RAB30: variants seen among roughly 807,000 people sequenced by gnomAD.
RAB30 encodes the protein ras-related protein Rab-30.
Under a neutral mutation model 25.1 loss-of-function variants are expected in RAB30, and 9 were observed. The ratio of observed to expected loss-of-function variants is 0.36; its 90% CI spans 0.22 to 0.63. The LOEUF (loss-of-function observed/expected upper bound fraction) is 0.63, where lower values mean the gene tolerates loss of function less well. Ranked by LOEUF, RAB30 falls within the 20% of genes least tolerant of loss-of-function variation. The pLI is 0.69. For synonymous variants in RAB30, 77 were observed against 86.4 expected (o/e 0.89, Z 0.60); for missense variants, 140 against 243.5 (o/e 0.58, Z 2.83).
At chr11:83,039,590 G>C (rs894392720) in intron 1 of RAB30, among the ~76,000 whole-genome samples, 12 of 152,062 alleles carry the variant, frequency 7.9e-5, no homozygotes, top group African/African-American at 2.9e-4. Context: ...GAGGTGGGAG[G>C]ATCACTTGAG....
chr11:83,001,821 G>A (rs1448584412), intron 1 of RAB30, among the ~76,000 whole-genome samples: 4 of 152,012 alleles, frequency 2.6e-5, no homozygotes, highest in African/African-American at 9.7e-5. Flanking sequence ...GAGTAGACAC[G>A]CCACAAGATA....
chr11:83,026,641 A>G (rs989851435), intron 1 of RAB30, among the ~76,000 whole-genome samples: 2 of 152,206 alleles, frequency 1.3e-5, no homozygotes, highest in African/African-American at 4.8e-5. Flanking sequence ...TAATTTTCCC[A>G]GCTTCAAGTA....
intron 1 of RAB30, among the ~76,000 whole-genome samples, chr11:83,048,679 G>T (rs1858286737): frequency 2.0e-5 from 3 of 152,262 alleles, no homozygotes; most frequent in African/African-American, 4.8e-5. Flanking sequence ...CAACCTTGGG[G>T]TTGTCTAGCC....
intron 1 of RAB30, among the ~76,000 whole-genome samples, chr11:83,058,827 T>A (rs2121520082): frequency 6.6e-6 from 1 of 152,356 alleles, no homozygotes; most frequent in African/African-American, 2.4e-5. Context: ...TTGCCCAAGA[T>A]CGTGTAGCAT....
chr11:83,002,853 T>C (rs889349739), intron 1 of RAB30, among the ~76,000 whole-genome samples: 4 of 152,192 alleles, frequency 2.6e-5, no homozygotes, highest in Admixed American at 1.3e-4. Flanking sequence ...CCTGTGCATT[T>C]TTCCTCTTTC....
chr11:83,029,786 G>A (rs1037900669), intron 1 of RAB30, among the ~76,000 whole-genome samples: 3 of 151,994 alleles, frequency 2.0e-5, no homozygotes, highest in African/African-American at 7.3e-5. Context: ...ATATGGAACC[G>A]ACCTAAGTGC....
intron 4 of RAB30, among the ~76,000 whole-genome samples, chr11:82,984,732 A>G (rs2121434816): frequency 6.6e-6 from 1 of 152,330 alleles, no homozygotes. Context: ...TGTGGCCTCT[A>G]AATACGACTT....
chr11:83,014,475 G>C (rs1289330630), intron 1 of RAB30, among the ~76,000 whole-genome samples: 3 of 152,018 alleles, frequency 2.0e-5, no homozygotes, highest in Non-Finnish European at 4.4e-5. Context: ...GTGCCCAGGA[G>C]GTCAAGGCTG....
intron 1 of RAB30, among the ~76,000 whole-genome samples, chr11:83,027,786 C>T (rs891009363): frequency 6.6e-6 from 1 of 152,148 alleles, no homozygotes; most frequent in African/African-American, 2.4e-5. Context: ...ATCCTACACA[C>T]ATTAGTAGTC....
At chr11:83,028,423 T>C (rs1438765759) in intron 1 of RAB30, among the ~76,000 whole-genome samples, 1 of 151,996 alleles carries the variant, frequency 6.6e-6, no homozygotes, top group Non-Finnish European at 1.5e-5. Flanking sequence ...CATAACAATA[T>C]ATTCAATAAA....
At chr11:82,984,687 C>T (rs763073995) in intron 4 of RAB30, among the ~76,000 whole-genome samples, 11 of 152,208 alleles carry the variant, frequency 7.2e-5, no homozygotes, top group South Asian at 2.1e-4. Context: ...GGCCTAAAAA[C>T]AATGGCCCAT....
chr11:83,060,362 A>G (rs919218792), intron 1 of RAB30, among the ~76,000 whole-genome samples: 3 of 152,222 alleles, frequency 2.0e-5, no homozygotes, highest in African/African-American at 7.2e-5. Flanking sequence ...CTTTTGAATT[A>G]AAGTTATTGA....
At chr11:83,051,862 T>C (rs1858365320) in intron 1 of RAB30, among the ~76,000 whole-genome samples, 1 of 152,176 alleles carries the variant, frequency 6.6e-6, no homozygotes, top group Admixed American at 6.5e-5. Flanking sequence ...CCAGAATCTA[T>C]TGGAAAATGA....
chr11:82,986,023 G>A (rs963390326), intron 4 of RAB30, among the ~76,000 whole-genome samples: 3 of 151,228 alleles, frequency 2.0e-5, no homozygotes, highest in Non-Finnish European at 4.4e-5. Context: ...ACAAACAAAC[G>A]AAAAAAAATC....
intron 1 of RAB30, among the ~76,000 whole-genome samples, chr11:83,065,972 G>C (rs1858687838): frequency 1.3e-5 from 2 of 152,212 alleles, no homozygotes; most frequent in Non-Finnish European, 2.9e-5. Flanking sequence ...AAGGTTCATG[G>C]TCTTCCTGAG....
chr11:82,979,643 AC>A lies in RAB30; in HGVS notation c.*2521del, dbSNP rs1451696271. The A allele has an allele frequency of 6.6e-6, 1 of 152,168 alleles. No homozygotes were observed. Among genetic ancestry groups the A allele is most frequent in the Non-Finnish European group, 1.5e-5 (1 of 68,016 alleles). The allele number at this position is 152,168 out of a possible 1,614,324, so 9.4% of individuals were successfully genotyped here. A position where few individuals can be genotyped will look rare whatever the true frequency, so the allele number is the denominator to read the frequency against. ...TGTTTATTTGACTAATATTTATTGC[AC>A]CTACAATATTGTCAGGGATTGTTTT... On this transcript the variant is annotated 3_prime_UTR_variant, in exon 5 of 5. Coordinates refer to ENST00000527633, the MANE Select transcript of RAB30 (RefSeq NM_001286060.2).
intron 1 of RAB30, among the ~76,000 whole-genome samples, chr11:83,070,606 G>A (rs1424299810): frequency 1.3e-5 from 2 of 151,752 alleles, no homozygotes; most frequent in Non-Finnish European, 2.9e-5. Context: ...ATCTGTTGTG[G>A]AGCCAGCCAG....
intron 1 of RAB30, among the ~76,000 whole-genome samples, chr11:83,001,800 C>T (rs1238347009): frequency 6.6e-6 from 1 of 152,132 alleles, no homozygotes; most frequent in African/African-American, 2.4e-5. Flanking sequence ...AAAAGTCATG[C>T]CTCATCTAGG....
intron 1 of RAB30, chr11:83,035,201 G>C (rs149198410): frequency 1.6e-4 from 24 of 152,046 alleles, no homozygotes; most frequent in African/African-American, 5.8e-4. Flanking sequence ...TAATTCTAGA[G>C]TGCTCACCTT....
Sources: gnomAD v4.1 joint callset for allele counts (sites outside exome capture counted in the v4.1 genomes callset) on GRCh38, gnomAD v4.1.1 for gene constraint, MANE v1.5 for transcripts, NCBI Gene and HGNC (gene_info 2026-07-23, HGNC 2026-07-21) for gene names.